Variants in LRWD1 observed in about 807,000 individuals in gnomAD.
The protein encoded by LRWD1 is leucine-rich repeat and WD repeat-containing protein 1.
A neutral mutation model predicts 75.6 loss-of-function variants in LRWD1; 76 were observed. The ratio of observed to expected loss-of-function variants is 1.01; its 90% CI spans 0.84 to 1.22. The LOEUF (loss-of-function observed/expected upper bound fraction) is 1.22. Ranked by LOEUF, LRWD1 falls within the 50% of genes most tolerant of loss-of-function variation. The probability of loss-of-function intolerance (pLI) is 0.00; values close to 1 mark genes in which losing one functional copy is unlikely to be tolerated. For synonymous variants in LRWD1, 487 were observed against 377.0 expected, an observed-to-expected ratio of 1.29 and a Z score of -3.38; for missense variants, 917 against 862.0, an observed-to-expected ratio of 1.06 and a Z score of -0.80.
rs767947918 is a variant in LRWD1, at chr7:102,473,027, T to C, written c.1922T>C (p.Val641Ala). 1.2e-6 allele frequency: 2 copies of C among 1,613,452 alleles called. No individual in the cohort carries two copies. The highest frequency in any genetic ancestry group is 2.2e-5 in the South Asian group (2 of 91,038). Residue 641 changes from valine to alanine, a missense_variant, in exon 15 of 15, where the codon GTA becomes GCA. By Grantham distance (64) the Val-to-Ala change is moderately conservative. Transcript: ENST00000292616. ...ACCGCCCTGACGGACTCCAACATCG[T>C]AGCCATCTGGGGGAGGATGTAGCCT... ...YLTALTDSNI[V>A]AIWGRM
chr7:102,465,834 T>G lies in LRWD1; in HGVS notation c.98T>G (p.Leu33Arg). 1 of 1,613,188 alleles carries G rather than the reference T, an allele frequency of 6.2e-7. No homozygotes were observed. Among genetic ancestry groups the G allele is most frequent in the Non-Finnish European group, 8.5e-7 (1 of 1,179,952 alleles). ...AACTCCAGCCTGTCAGGATTGGAGC[T>G]GCTTTCCGAGCACCTGGACCCCAAA... ...IRSLDLSGLELLSEHLDPKLL... is the reference protein window; with the variant it reads ...IRSLDLSGLERLSEHLDPKLL... Residue 33 changes from leucine to arginine, a missense_variant, in exon 2 of 15, where the codon CTG becomes CGG. Physicochemically the swap from Leu to Arg is moderately radical, Grantham distance 102 (BLOSUM62 -2). Coordinates refer to ENST00000292616, the MANE Select transcript of LRWD1 (RefSeq NM_152892.3).
In LRWD1 at chr7:102,468,932, G is replaced by A. The variant is rs765250248; in HGVS notation, c.1098G>A (p.Ala366=). The change falls in exon 9 of 15, where the codon GCG becomes GCA. Residue 366 remains alanine (A), a synonymous_variant. Coordinates refer to ENST00000292616, the MANE Select transcript of LRWD1 (RefSeq NM_152892.3). ...AGHKKRWSVL[A]AAGLRGLVRL... is the part of the protein sequence containing the mutation. The stretch of plus-strand genomic sequence containing the variant: ...ACAAGAAGCGCTGGAGTGTGCTGGC[G>A]GCTGCAGGCCTACGGGGCCTGGTCC... 1.9e-5 allele frequency: 31 copies of A among 1,612,644 alleles called. No individual in the cohort carries two copies. The Admixed American group carries it at 2.7e-4, about 14-fold the overall frequency.
At chr7:102,467,991 G>A in intron 5 of LRWD1, 71 bp from the exon 6 acceptor site, 1 of 1,571,436 alleles carries the variant, frequency 6.4e-7, no homozygotes, top group Non-Finnish European at 8.6e-7. Flanking sequence ...AGTGAGGTGG[G>A]GTCCAGCCTG....
At position 102,472,568 on chromosome 7, in the gene LRWD1, C is replaced by T. The variant is rs554936253; in HGVS notation, c.1649C>T (p.Ser550Leu). 1.2e-5 allele frequency: 20 copies of T among 1,605,336 alleles called. No individual in the cohort carries two copies. Among genetic ancestry groups the T allele is most frequent in the East Asian group, 4.5e-5 (2 of 44,620 alleles). Residue 550 changes from serine (S) to leucine (L), a missense_variant, in exon 13 of 15, where the codon TCG becomes TTG. Ser to Leu is a moderately radical substitution (Grantham distance 145). Coordinates refer to ENST00000292616, the MANE Select transcript of LRWD1 (RefSeq NM_152892.3). ...AVVVLARLQW[S>L]STELAYFSLS... ...GTGGTCCTGGCGCGGCTGCAATGGT[C>T]GTCCACCGAGTTGGCCTACTTCTCG...
chr7:102,466,815 C>T (rs1797997978), intron 3 of LRWD1, among the ~76,000 whole-genome samples: 1 of 113,674 alleles, frequency 8.8e-6, no homozygotes, highest in Non-Finnish European at 1.6e-5. Context: ...GGGTCTCGCT[C>T]TGCTGCCCAT....
At position 102,465,026 on chromosome 7, in the gene LRWD1, C is replaced by T. The variant is rs957164623; in HGVS notation, c.-55C>T. ...GTGCCGGGCTCCAGGAGACGCAGGG[C>T]GACGCCACACGCCGGGGTGGCCGAC... On this transcript the variant is annotated 5_prime_UTR_variant, in exon 1 of 15. Transcript: ENST00000292616. The T allele has an allele frequency of 1.1e-5, 15 of 1,404,330 alleles. No homozygotes were observed. The highest frequency in any genetic ancestry group is 1.4e-5 in the Non-Finnish European group (15 of 1,074,918). The allele number at this position is 1,404,330 out of a possible 1,614,324, so 87.0% of individuals were successfully genotyped here.
At position 102,472,897 on chromosome 7, in the gene LRWD1, T is replaced by G; in HGVS notation, c.1804-12T>G. 6.4e-7 allele frequency: 1 copy of G among 1,569,460 alleles called. No homozygotes were observed. Among genetic ancestry groups the G allele is most frequent in the Non-Finnish European group, 8.8e-7 (1 of 1,141,996 alleles). ...AGGAGCCCAGCCCAGCCCTCCCCTC[T>G]CTCCCCACCAGATCCTGAAGTGGCC... is the stretch of plus-strand genomic sequence containing the variant. On this transcript the variant is annotated splice_polypyrimidine_tract_variant and intron_variant, in intron 14 of 14. Transcript: ENST00000292616.
At chr7:102,467,605 G>A (rs942704042) in intron 4 of LRWD1, 114 bp from the exon 5 acceptor site, 5 of 1,509,504 alleles carry the variant, frequency 3.3e-6, no homozygotes, top group Non-Finnish European at 4.5e-6. Flanking sequence ...AGCCCTGTTG[G>A]CTGGAGAGGC....
At position 102,466,025 on chromosome 7, in the gene LRWD1, A is replaced by G; in HGVS notation, c.289A>G (p.Ser97Gly). The change falls in exon 2 of 15, where the codon AGC becomes GGC. Residue 97 changes from serine to glycine, a missense_variant. By Grantham distance (56) the Ser-to-Gly change is moderately conservative. Coordinates refer to ENST00000292616, the MANE Select transcript of LRWD1 (RefSeq NM_152892.3). ...LCQFPKLEELSLEGNPFLTVN... is the reference protein window; with the variant it reads ...LCQFPKLEELGLEGNPFLTVN... ...CCAGTTCCCCAAGCTCGAGGAACTCAGCCTGGAGGGCAACCCCTTCCTGAC... is the reference window on the plus strand; with the variant it reads ...CCAGTTCCCCAAGCTCGAGGAACTCGGCCTGGAGGGCAACCCCTTCCTGAC... 6.2e-7 allele frequency: 1 copy of G among 1,614,058 alleles called. No individual in the cohort carries two copies. The highest frequency in any genetic ancestry group is 8.5e-7 in the Non-Finnish European group (1 of 1,180,020).
Position 102,466,288 on chromosome 7 carries a change from T to C in LRWD1, c.432+18T>C. 6.3e-7 allele frequency: 1 copy of C among 1,592,926 alleles called. No homozygotes were observed. Among genetic ancestry groups the C allele is most frequent in the Non-Finnish European group, 8.6e-7 (1 of 1,161,150 alleles). ...CCAGCAGGGTAAGGGGATGAGAGGA[T>C]TATTGTGTGCTTAGGAGCTGTGGGG... On this transcript the variant is annotated intron_variant, in intron 3 of 14. Transcript: ENST00000292616.
At chr7:102,469,484 T>C in intron 9 of LRWD1, 90 bp from the exon 10 acceptor site, 1 of 1,487,358 alleles carries the variant, frequency 6.7e-7, no homozygotes, top group Non-Finnish European at 9.3e-7. Context: ...GGGCTGGCCT[T>C]GGGACCGTGG....
At chr7:102,466,365 C>G (rs558781845) in intron 3 of LRWD1, 95 bp downstream of exon 3, 1 of 961,994 alleles carries the variant, frequency 1.0e-6, no homozygotes, top group South Asian at 1.4e-5. Context: ...AGGAGGGTGA[C>G]TGATAGAGGC....
intron 11 of LRWD1, chr7:102,471,392 C>T (rs1798180226): frequency 6.5e-6 from 1 of 154,328 alleles, no homozygotes; most frequent in African/African-American, 2.4e-5. Flanking sequence ...AGCTTACCTA[C>T]AACAAACAGC....
At position 102,472,221 on chromosome 7, in the gene LRWD1, G is replaced by C; in HGVS notation, c.1446G>C (p.Val482=). 1 of 1,590,488 alleles carries C rather than the reference G, an allele frequency of 6.3e-7. No homozygotes were observed. The highest frequency in any genetic ancestry group is 8.6e-7 in the Non-Finnish European group (1 of 1,166,666). The change falls in exon 12 of 15, where the codon GTG becomes GTC. Residue 482 remains valine (V), a synonymous_variant. Coordinates refer to ENST00000292616, the MANE Select transcript of LRWD1 (RefSeq NM_152892.3). ...VRLDQPQKRR[V]CEVEFVFSEG... is the part of the protein sequence containing the mutation. Reference sequence around the variant, plus strand: ...AGCATCTCGTGCTGCCCCACAGGGTGTGTGAAGTGGAATTCGTCTTCTCTG... The same window carrying C: ...AGCATCTCGTGCTGCCCCACAGGGTCTGTGAAGTGGAATTCGTCTTCTCTG...
chr7:102,465,708 A>T, intron 1 of LRWD1, 109 bp from the exon 2 acceptor site: 1 of 764,814 alleles, frequency 1.3e-6, no homozygotes. Context: ...CGGGGCGGCT[A>T]CACTTGTACG....
Position 102,466,061 on chromosome 7 carries a change from A to G in LRWD1, c.315+10A>G. On this transcript the variant is annotated intron_variant, in intron 2 of 14. Transcript: ENST00000292616. ...CAACCCCTTCCTGACGGTAAGTGGG[A>G]GCCTCCCACCAGCTTCATACCTGGG... 6.2e-7 allele frequency: 1 copy of G among 1,613,872 alleles called. No individual in the cohort carries two copies. Among genetic ancestry groups the G allele is most frequent in the South Asian group, 1.1e-5 (1 of 91,072 alleles).
Position 102,467,171 on chromosome 7 carries a change from G to GTGTGTATGT in LRWD1, c.433-168_433-167insTGTGTATGT, listed in dbSNP as rs1554579596. 2.3e-3 allele frequency among the ~76,000 whole-genome samples: 226 copies of GTGTGTATGT among 99,148 alleles called. 6 individuals carry two copies. The highest frequency in any genetic ancestry group is 9.3e-3 in the African/African-American group (213 of 22,812). 65.0% of individuals were successfully genotyped at this position (99,148 alleles called of 152,430 possible). The stretch of plus-strand genomic sequence containing the variant: ...TGGGTTGTTGCTGGGGTGTGTGTGG[G>GTGTGTATGT]GTGTGTGTGTGTGTGTGTGTGTGTG... On this transcript the variant is annotated intron_variant, in intron 3 of 14. Transcript: ENST00000292616.
chr7:102,467,484 G>A lies in LRWD1; in HGVS notation c.573+5G>A. 1 of 1,611,948 alleles carries A rather than the reference G, an allele frequency of 6.2e-7. No individual in the cohort carries two copies. Among genetic ancestry groups the A allele is most frequent in the Admixed American group, 1.7e-5 (1 of 59,970 alleles). ...AGCGAGTTCACCCAGTGGCGGGTAT[G>A]TCCCTGTCCCAATGTGCAGGGAGTC... On this transcript the variant is annotated splice_donor_5th_base_variant and intron_variant, in intron 4 of 14. Transcript: ENST00000292616.
chr7:102,472,507 T>TG lies in LRWD1; in HGVS notation c.1595dup (p.Arg533ProfsTer32), dbSNP rs777830159. ...CTGCCTGTGGAGCTGGAGGCAGACG[T>TG]GGGGGGGCCGGGGCAGCCAGTCCAC... On this transcript the variant is annotated frameshift_variant, in exon 13 of 15. Coordinates refer to ENST00000292616, the MANE Select transcript of LRWD1 (RefSeq NM_152892.3). LOFTEE classifies it high-confidence loss of function. 49 of 1,553,112 alleles carry TG rather than the reference T, an allele frequency of 3.2e-5. No homozygotes were observed. Among genetic ancestry groups the TG allele is most frequent in the Non-Finnish European group, 3.8e-5 (44 of 1,149,810 alleles).
Sources: gnomAD v4.1 joint callset for allele counts (sites outside exome capture counted in the v4.1 genomes callset) on GRCh38, gnomAD v4.1.1 for gene constraint, MANE v1.5 for transcripts, NCBI Gene and HGNC (gene_info 2026-07-23, HGNC 2026-07-21) for gene names.